Variants in STX17 observed in about 807,000 individuals in gnomAD.
STX17 encodes the protein syntaxin 17.
STX17 carries 29 observed loss-of-function variants against 35.9 expected under a neutral mutation model. That is an observed-to-expected ratio of 0.81 (90% CI 0.60 to 1.10). The LOEUF (loss-of-function observed/expected upper bound fraction) is 1.10, where lower values mean the gene tolerates loss of function less well. STX17 is among the 50% of genes least tolerant of loss of function. The probability of loss-of-function intolerance (pLI) is 0.00; values close to 1 mark genes in which losing one functional copy is unlikely to be tolerated. For missense variants in STX17, 312 were observed against 352.3 expected (o/e 0.89, Z 0.92); for synonymous variants, 92 against 118.3 (o/e 0.78, Z 1.44).
At chr9:99,956,962 A>T (rs1440516678) in intron 4 of STX17, among the ~76,000 whole-genome samples, 2 of 152,198 alleles carry the variant, frequency 1.3e-5, no homozygotes, top group African/African-American at 4.8e-5. Flanking sequence ...CAGATGCCAC[A>T]TGTCATCATG....
chr9:99,968,366 A>T lies in STX17; in HGVS notation c.670-68A>T, dbSNP rs988499439. The stretch of plus-strand genomic sequence containing the variant: ...GGCATTGCCAGGAGTAATGAGAGGA[A>T]AACGCACATCACCACAGGCAGATAT... On this transcript the variant is annotated intron_variant, in intron 7 of 7. Transcript: ENST00000259400. 42 of 1,501,808 alleles carry T rather than the reference A, an allele frequency of 2.8e-5. 2 individuals carry two copies. The African/African-American group carries it at 4.8e-4, about 17-fold the overall frequency. 93.0% of individuals were successfully genotyped at this position (1,501,808 alleles called of 1,614,324 possible).
At position 99,971,807 on chromosome 9, in the gene STX17, G is replaced by C. The variant is rs1431114609; in HGVS notation, c.*3134G>C. On this transcript the variant is annotated 3_prime_UTR_variant, in exon 8 of 8. Coordinates refer to ENST00000259400, the MANE Select transcript of STX17 (RefSeq NM_017919.3). ...AGGCAGAGGCCAGAGGATCACTTGAGCCCAGGAGTTTGAGACCAGCCTGGG... is the reference window on the plus strand; with the variant it reads ...AGGCAGAGGCCAGAGGATCACTTGACCCCAGGAGTTTGAGACCAGCCTGGG... 6.6e-6 allele frequency among the ~76,000 whole-genome samples: 1 copy of C among 151,894 alleles called. No individual in the cohort carries two copies. Among genetic ancestry groups the C allele is most frequent in the Admixed American group, 6.6e-5 (1 of 15,242 alleles).
rs903450303 is a variant in STX17 at position 99,972,854 on chromosome 9, T to G, written c.*4181T>G. Among the ~76,000 whole-genome samples, 1 of 152,180 alleles carries G rather than the reference T, an allele frequency of 6.6e-6. No homozygotes were observed. Among genetic ancestry groups the G allele is most frequent in the Non-Finnish European group, 1.5e-5 (1 of 68,024 alleles). Reference sequence around the variant, plus strand: ...TGAGGAAAAGCCTGGGGGGAGGTTCTCCTCGGAAATGAGGTGGTTTTTTTT... The same window carrying G: ...TGAGGAAAAGCCTGGGGGGAGGTTCGCCTCGGAAATGAGGTGGTTTTTTTT... On this transcript the variant is annotated 3_prime_UTR_variant, in exon 8 of 8. Transcript: ENST00000259400.
chr9:99,960,028 A>C lies in STX17; in HGVS notation c.527A>C (p.Glu176Ala). The change falls in exon 5 of 8, where the codon GAA becomes GCA. Residue 176 changes from glutamate to alanine, a missense_variant. Glu to Ala is a moderately radical substitution (Grantham distance 107). Transcript: ENST00000259400. ...GCTGCAGAATCGTGGGAAACCTTAG[A>C]AGCGGTATGTTAAAAAATGTTTTCT... Reference protein sequence around the residue: ...QNAAESWETLEADLIELSQLV... With the variant: ...QNAAESWETLAADLIELSQLV... 6.2e-7 allele frequency: 1 copy of C among 1,614,034 alleles called. No individual in the cohort carries two copies. The highest frequency in any genetic ancestry group is 1.1e-5 in the South Asian group (1 of 91,072).
At chr9:99,968,400 C>A in intron 7 of STX17, 34 bp from the exon 8 acceptor site, 1 of 1,519,000 alleles carries the variant, frequency 6.6e-7, no homozygotes, top group South Asian at 1.4e-5. Flanking sequence ...ATTCTCAACT[C>A]AGTTTCTAAA....
At chr9:99,935,001 C>G (rs1046885920) in intron 3 of STX17, among the ~76,000 whole-genome samples, 1 of 151,652 alleles carries the variant, frequency 6.6e-6, no homozygotes, top group Non-Finnish European at 1.5e-5. Context: ...AGTTATAAAA[C>G]CAAAGAGAAC....
chr9:99,968,772 A>G lies in STX17; in HGVS notation c.*99A>G. On this transcript the variant is annotated 3_prime_UTR_variant, in exon 8 of 8. Transcript: ENST00000259400. ...CCTTTTGGAACACAAGTATATCAAG[A>G]TAGTGGCTACTGATGTTCAAGTGGG... The G allele has an allele frequency of 2.7e-6, 4 of 1,506,928 alleles. No homozygotes were observed. Among genetic ancestry groups the G allele is most frequent in the Non-Finnish European group, 3.6e-6 (4 of 1,118,974 alleles). 93.3% of individuals were successfully genotyped at this position (1,506,928 alleles called of 1,614,324 possible). A position where few individuals can be genotyped will look rare whatever the true frequency, so the allele number is the denominator to read the frequency against.
At position 99,960,688 on chromosome 9, in the gene STX17, C is replaced by T. The variant is rs564657703; in HGVS notation, c.582+533C>T. Among the ~76,000 whole-genome samples the T allele has an allele frequency of 4.7e-4, 71 of 152,252 alleles. 1 individual carries two copies. Among genetic ancestry groups the T allele is most frequent in the Admixed American group, 2.6e-3 (40 of 15,294 alleles). ...CAAACTCCTGACCTCATGATCCACC[C>T]GCCTCAGCCTCCCAAAGTTCTGGGA... On this transcript the variant is annotated intron_variant, in intron 6 of 7. Transcript: ENST00000259400.
chr9:99,908,923 C>G (rs1296400602), intron 1 of STX17, among the ~76,000 whole-genome samples: 1 of 152,182 alleles, frequency 6.6e-6, no homozygotes, highest in South Asian at 2.1e-4. Context: ...AAAGTTCATC[C>G]CAGTAGCTTT....
intron 3 of STX17, chr9:99,945,937 G>C (rs1293732898): frequency 6.2e-6 from 1 of 160,700 alleles, no homozygotes; most frequent in Non-Finnish European, 1.4e-5. Context: ...AAAAAAATTA[G>C]ATGGGCGTGG....
intron 2 of STX17, among the ~76,000 whole-genome samples, chr9:99,928,139 T>C (rs1829027843): frequency 6.6e-6 from 1 of 152,162 alleles, no homozygotes; most frequent in Non-Finnish European, 1.5e-5. Flanking sequence ...GGTGTTGATG[T>C]TTATATTCTA....
At chr9:99,967,859 A>G in intron 7 of STX17, 120 bp downstream of exon 7, 1 of 814,350 alleles carries the variant, frequency 1.2e-6, no homozygotes, top group South Asian at 1.5e-5. Flanking sequence ...GAAATAAGGA[A>G]GAAATGACAC....
intron 2 of STX17, among the ~76,000 whole-genome samples, chr9:99,917,802 G>GAA (rs1828805373): frequency 6.6e-6 from 1 of 152,188 alleles, no homozygotes; most frequent in Admixed American, 6.5e-5. Flanking sequence ...AACTTACTGT[G>GAA]TAGCACATAC....
intron 6 of STX17, among the ~76,000 whole-genome samples, chr9:99,964,375 A>G (rs1829878195): frequency 6.6e-6 from 1 of 152,164 alleles, no homozygotes; most frequent in African/African-American, 2.4e-5. Flanking sequence ...TTTAAAATGA[A>G]ATCCGTAGAC....
In STX17 at chr9:99,969,012, G is replaced by A. The variant is rs1587945454; in HGVS notation, c.*339G>A. The A allele has an allele frequency of 5.7e-6, 1 of 176,268 alleles. No homozygotes were observed. The highest frequency in any genetic ancestry group is 2.4e-5 in the African/African-American group (1 of 42,220). The allele number at this position is 176,268 out of a possible 1,614,324, so 10.9% of individuals were successfully genotyped here. A position where few individuals can be genotyped will look rare whatever the true frequency, so the allele number is the denominator to read the frequency against. ...AGAAACGTTGGGTTATGGAAGACTAGTTTCTTCCATAACCCTGAATTGGAG... is the reference window on the plus strand; with the variant it reads ...AGAAACGTTGGGTTATGGAAGACTAATTTCTTCCATAACCCTGAATTGGAG... On this transcript the variant is annotated 3_prime_UTR_variant, in exon 8 of 8. Coordinates refer to ENST00000259400, the MANE Select transcript of STX17 (RefSeq NM_017919.3).
In STX17 at chr9:99,909,325, A is replaced by C. The variant is rs1828615581; in HGVS notation, c.-63+2619A>C. 2.6e-5 allele frequency among the ~76,000 whole-genome samples: 4 copies of C among 152,188 alleles called. No homozygotes were observed. In the South Asian group the frequency reaches 6.2e-4, roughly 24 times the overall value. On this transcript the variant is annotated intron_variant, in intron 1 of 7. Coordinates refer to ENST00000259400, the MANE Select transcript of STX17 (RefSeq NM_017919.3). ...GTAGACTAATTGAAGCTCCATTATC[A>C]TGGCTATGCATATTGTGCTATTTGA...
chr9:99,930,069 C>G (rs900254967), intron 3 of STX17, among the ~76,000 whole-genome samples: 2 of 150,750 alleles, frequency 1.3e-5, no homozygotes, highest in African/African-American at 4.9e-5. Context: ...CCCACCACCA[C>G]GCCTGACTAA....
chr9:99,923,280 C>T (rs1313900240), intron 2 of STX17, among the ~76,000 whole-genome samples: 1 of 151,942 alleles, frequency 6.6e-6, no homozygotes, highest in Non-Finnish European at 1.5e-5. Context: ...GGGAAAGCTG[C>T]AAATGTCTAT....
At chr9:99,911,982 T>C (rs1828675397) in intron 1 of STX17, among the ~76,000 whole-genome samples, 1 of 152,204 alleles carries the variant, frequency 6.6e-6, no homozygotes, top group African/African-American at 2.4e-5. Context: ...ATCCCGGCAC[T>C]TTGGGAGGCC....
Sources: allele counts gnomAD v4.1 joint callset (sites outside exome capture counted in the v4.1 genomes callset), GRCh38; gene constraint gnomAD v4.1.1; transcripts MANE v1.5; gene names NCBI Gene and HGNC (gene_info 2026-07-23, HGNC 2026-07-21).